KLHL13: variants seen among roughly 807,000 people sequenced by gnomAD.
KLHL13 encodes the protein kelch like family member 13.
A neutral mutation model predicts 37.1 loss-of-function variants in KLHL13; 10 were observed. The ratio of observed to expected loss-of-function variants is 0.27; its 90% CI spans 0.17 to 0.46. The LOEUF (loss-of-function observed/expected upper bound fraction) is 0.46. Ranked by LOEUF, KLHL13 falls within the 20% of genes least tolerant of loss-of-function variation. KLHL13 has a pLI of 1.00. For missense variants in KLHL13, 360 were observed against 509.3 expected (o/e 0.71, Z 2.82); for synonymous variants, 163 against 181.2 (o/e 0.90, Z 0.81).
At chrX:118,005,999 G>A (rs2053977123) in intron 1 of KLHL13, among the ~76,000 whole-genome samples, 2 of 112,003 alleles carry the variant, frequency 1.8e-5, no homozygotes, top group Admixed American at 9.4e-5. Flanking sequence ...ATGTAGATGT[G>A]TCATTAAATA....
At chrX:118,092,052 C>T (rs1386428658) in intron 1 of KLHL13, among the ~76,000 whole-genome samples, 1 of 111,549 alleles carries the variant, frequency 9.0e-6, no homozygotes, top group East Asian at 2.8e-4. Flanking sequence ...ACTTTGGACA[C>T]TCAGGAGAAA....
chrX:117,966,764 C>T (rs2053440591), intron 1 of KLHL13, among the ~76,000 whole-genome samples: 2 of 111,630 alleles, frequency 1.8e-5, no homozygotes, highest in South Asian at 7.6e-4. Context: ...CACATATCTA[C>T]AGCTATCTGA....
chrX:118,109,880 G>GA (rs200021274), intron 1 of KLHL13, among the ~76,000 whole-genome samples: 72 of 107,400 alleles, frequency 6.7e-4, no homozygotes, highest in African/African-American at 2.2e-3. Context: ...AAAACCGAAG[G>GA]AAAAAAAAAC....
intron 1 of KLHL13, among the ~76,000 whole-genome samples, chrX:118,051,496 G>A (rs761677458): frequency 9.1e-6 from 1 of 110,488 alleles, no homozygotes; most frequent in South Asian, 3.9e-4. Flanking sequence ...AGCCGAGATT[G>A]CACCACTGCA....
At chrX:118,004,276 G>A in intron 1 of KLHL13, among the ~76,000 whole-genome samples, 1 of 111,637 alleles carries the variant, frequency 9.0e-6, no homozygotes, top group Non-Finnish European at 1.9e-5. Flanking sequence ...ATTTATGTGT[G>A]TATATACATG....
chrX:118,104,278 A>C (rs1602728066), intron 1 of KLHL13, among the ~76,000 whole-genome samples: 3 of 111,042 alleles, frequency 2.7e-5, no homozygotes, highest in Non-Finnish European at 5.7e-5. Flanking sequence ...AGCCAAAAAA[A>C]ATGGCGTGGA....
intron 1 of KLHL13, among the ~76,000 whole-genome samples, chrX:117,960,168 T>A (rs973339921): frequency 9.0e-6 from 1 of 110,724 alleles, no homozygotes; most frequent in African/African-American, 3.3e-5. Flanking sequence ...GGGGATAGCT[T>A]GAGGCTAGGA....
chrX:117,937,358 A>G (rs996200449), intron 2 of KLHL13, among the ~76,000 whole-genome samples: 4 of 111,597 alleles, frequency 3.6e-5, no homozygotes, highest in Admixed American at 9.6e-5. Context: ...TAACAACATA[A>G]AAAATCAGTT....
intron 1 of KLHL13, among the ~76,000 whole-genome samples, chrX:118,004,169 G>T (rs2053955627): frequency 9.0e-6 from 1 of 111,445 alleles, no homozygotes; most frequent in Admixed American, 9.6e-5. Flanking sequence ...AAACTAGAAT[G>T]AACTCTATGG....
At chrX:117,945,372 CA>C in intron 2 of KLHL13, 61 bp downstream of exon 3, 1 of 1,117,175 alleles carries the variant, frequency 9.0e-7, no homozygotes, top group Non-Finnish European at 1.2e-6. Context: ...TCCTGCATCA[CA>C]AAATCCATGG....
At chrX:117,906,917 TA>T (rs1483087500) in intron 5 of KLHL13, among the ~76,000 whole-genome samples, 3 of 111,520 alleles carry the variant, frequency 2.7e-5, no homozygotes, top group Admixed American at 9.5e-5. Flanking sequence ...TGCCTTTTTT[TA>T]AATGCAGTTT....
intron 1 of KLHL13, among the ~76,000 whole-genome samples, chrX:117,979,006 C>T (rs1201679517): frequency 3.6e-5 from 4 of 111,130 alleles, no homozygotes; most frequent in East Asian, 2.8e-4. Context: ...TCTTGGCTCA[C>T]GGCAACTTCC....
chrX:117,971,509 T>A (rs754484674), intron 1 of KLHL13, among the ~76,000 whole-genome samples: 1 of 110,025 alleles, frequency 9.1e-6, no homozygotes, highest in South Asian at 3.8e-4. Context: ...TTTTTTTTTT[T>A]ACTTCATAAA....
intron 1 of KLHL13, among the ~76,000 whole-genome samples, chrX:118,050,083 A>G (rs2054597910): frequency 3.6e-5 from 4 of 111,187 alleles, no homozygotes; most frequent in South Asian, 3.9e-4. Flanking sequence ...GGAGAGTCTC[A>G]CTATATTGCT....
chrX:118,053,926 T>C (rs1321127715), intron 1 of KLHL13, among the ~76,000 whole-genome samples: 1 of 97,763 alleles, frequency 1.0e-5, no homozygotes, highest in African/African-American at 3.8e-5. Context: ...CCACAGAATA[T>C]AAAACACCTC....
At chrX:117,934,492 G>A (rs1308615247) in intron 2 of KLHL13, among the ~76,000 whole-genome samples, 1 of 110,288 alleles carries the variant, frequency 9.1e-6, no homozygotes, top group African/African-American at 3.3e-5. Context: ...TACTAACTTT[G>A]CCAAGATAAT....
chrX:117,947,211 T>C (rs1933366409), intron 1 of KLHL13: 2 of 111,917 alleles, frequency 1.8e-5, no homozygotes, highest in South Asian at 3.7e-4. Context: ...CAGAAATTGA[T>C]TGATGGTGAC....
intron 1 of KLHL13, among the ~76,000 whole-genome samples, chrX:118,105,055 G>A (rs148577771): frequency 0.089 from 9,927 of 111,593 alleles, 407 homozygotes; most frequent in African/African-American, 0.15. Flanking sequence ...AAATAAACAC[G>A]CCCACACACA....
At chrX:118,076,771 G>C (rs2054933206) in intron 1 of KLHL13, among the ~76,000 whole-genome samples, 1 of 110,513 alleles carries the variant, frequency 9.0e-6, no homozygotes, top group Admixed American at 9.6e-5. Flanking sequence ...TTTGGCTGGG[G>C]CTTCAATATT....
Sources: gnomAD v4.1 joint callset for allele counts (sites outside exome capture counted in the v4.1 genomes callset) on GRCh38, gnomAD v4.1.1 for gene constraint, MANE v1.5 for transcripts, NCBI Gene and HGNC (gene_info 2026-07-23, HGNC 2026-07-21) for gene names.